Variants in PLCL1 observed in about 807,000 individuals in gnomAD.
PLCL1 encodes the protein phospholipase C like 1 (inactive), also known as inactive phospholipase C-like protein 1.
PLCL1 carries 41 observed loss-of-function variants against 84.4 expected under a neutral mutation model. The ratio of observed to expected loss-of-function variants is 0.49; its 90% CI spans 0.38 to 0.63. PLCL1 has a LOEUF of 0.63. Among genes scored for constraint, PLCL1 ranks in the 30% least tolerant of loss-of-function variants. The probability of loss-of-function intolerance (pLI) is 0.00; values close to 1 mark genes in which losing one functional copy is unlikely to be tolerated. For missense variants in PLCL1, 1,206 were observed against 1,367.8 expected (o/e 0.88, Z 1.87); for synonymous variants, 490 against 488.3 (o/e 1.00, Z -0.05).
At chr2:198,092,826 A>G (rs1693080449) in intron 3 of PLCL1, among the ~76,000 whole-genome samples, 1 of 152,226 alleles carries the variant, frequency 6.6e-6, no homozygotes, top group Non-Finnish European at 1.5e-5. Flanking sequence ...CCGTGAGGTT[A>G]GATCCTATCT....
At chr2:197,901,949 G>A (rs1046315380) in intron 1 of PLCL1, among the ~76,000 whole-genome samples, 1 of 152,098 alleles carries the variant, frequency 6.6e-6, no homozygotes, top group African/African-American at 2.4e-5. Context: ...AGTTTCCTAT[G>A]TTAAGCACTT....
Position 197,805,001 on chromosome 2 carries a change from G to C in PLCL1, c.-99G>C. 13 of 1,332,330 alleles carry C rather than the reference G, an allele frequency of 9.8e-6. No individual in the cohort carries two copies. The South Asian group carries it at 1.7e-4, about 18-fold the overall frequency. 82.5% of individuals were successfully genotyped at this position (1,332,330 alleles called of 1,614,324 possible). On this transcript the variant is annotated 5_prime_UTR_variant, in exon 1 of 6. Coordinates refer to ENST00000428675, the MANE Select transcript of PLCL1 (RefSeq NM_006226.4). The surrounding 1 kb of genome is among the most constrained non-coding windows in gnomAD (Gnocchi z 4.0). ...GCTGGGCGGTGAAACAAAGTCTGGC[G>C]GGGCCGCCTCCCGGTGCAGGAGCGC...
intron 1 of PLCL1, among the ~76,000 whole-genome samples, chr2:198,033,453 T>C (rs999397789): frequency 1.3e-5 from 2 of 152,154 alleles, no homozygotes; most frequent in African/African-American, 4.8e-5. Flanking sequence ...AAGACGGAGA[T>C]TGGGAGATAT....
intron 1 of PLCL1, among the ~76,000 whole-genome samples, chr2:197,884,836 T>C (rs1418340086): frequency 1.3e-5 from 2 of 152,174 alleles, no homozygotes; most frequent in African/African-American, 4.8e-5. Context: ...GCTTCTTGTG[T>C]TGCTTTCCAC....
At chr2:197,987,695 C>T (rs927968861) in intron 1 of PLCL1, among the ~76,000 whole-genome samples, 1 of 152,122 alleles carries the variant, frequency 6.6e-6, no homozygotes, top group Non-Finnish European at 1.5e-5. Flanking sequence ...TGAAGAATAA[C>T]AGAACAGCAA....
At chr2:198,010,268 T>C (rs1574243974) in intron 1 of PLCL1, among the ~76,000 whole-genome samples, 1 of 151,936 alleles carries the variant, frequency 6.6e-6, no homozygotes, top group East Asian at 1.9e-4. Flanking sequence ...AAGCTTTTAG[T>C]CTTTTCTCAT....
At chr2:197,855,710 C>G (rs528585193) in intron 1 of PLCL1, among the ~76,000 whole-genome samples, 1 of 152,146 alleles carries the variant, frequency 6.6e-6, no homozygotes, top group Non-Finnish European at 1.5e-5. Context: ...ATGTCCTTCA[C>G]TTGTTCCACA....
intron 1 of PLCL1, among the ~76,000 whole-genome samples, chr2:197,869,400 A>G (rs532650547): frequency 1.3e-5 from 2 of 152,170 alleles, no homozygotes; most frequent in South Asian, 2.1e-4. Context: ...AAATGGGGAT[A>G]TAAACAAAAA....
chr2:197,989,915 A>C (rs1322038355), intron 1 of PLCL1, among the ~76,000 whole-genome samples: 3 of 152,194 alleles, frequency 2.0e-5, no homozygotes, highest in Non-Finnish European at 4.4e-5. Context: ...TAGGATACAC[A>C]GAGACTAATA....
At chr2:198,005,835 T>C (rs1020619141) in intron 1 of PLCL1, among the ~76,000 whole-genome samples, 1 of 152,246 alleles carries the variant, frequency 6.6e-6, no homozygotes, top group Non-Finnish European at 1.5e-5. Context: ...GCAAGGGGAC[T>C]GAGGACTTCT....
chr2:197,914,665 A>ATAC (rs1452492193), intron 1 of PLCL1, among the ~76,000 whole-genome samples: 3 of 152,292 alleles, frequency 2.0e-5, no homozygotes, highest in African/African-American at 7.2e-5. Context: ...CATGAAAGAG[A>ATAC]TACTGTTAAA....
intron 1 of PLCL1, among the ~76,000 whole-genome samples, chr2:197,836,240 T>G (rs1000750783): frequency 7.2e-5 from 11 of 151,884 alleles, no homozygotes; most frequent in Non-Finnish European, 1.5e-4. Flanking sequence ...GGTCAGGAGA[T>G]CCAGACCATC....
intron 1 of PLCL1, among the ~76,000 whole-genome samples, chr2:198,009,542 A>G (rs1489767486): frequency 6.6e-6 from 1 of 151,836 alleles, no homozygotes; most frequent in Admixed American, 6.6e-5. Flanking sequence ...CCGTTGGTTT[A>G]TGTATCTTAC....
intron 1 of PLCL1, among the ~76,000 whole-genome samples, chr2:197,864,483 CTT>C (rs112456376): frequency 1.0e-3 from 143 of 139,178 alleles, no homozygotes; most frequent in Admixed American, 8.0e-4. Context: ...CAATAGCATT[CTT>C]TTTTTTTTTT....
chr2:197,835,883 A>G lies in PLCL1; in HGVS notation c.240+30544A>G, dbSNP rs375256577. Among the ~76,000 whole-genome samples the G allele has an allele frequency of 3.9e-5, 6 of 152,266 alleles. No homozygotes were observed. In the East Asian group the frequency reaches 1.2e-3, roughly 29 times the overall value. On this transcript the variant is annotated intron_variant, in intron 1 of 5. Coordinates refer to ENST00000428675, the MANE Select transcript of PLCL1 (RefSeq NM_006226.4). ...CGGACAATTTTTTAATGACTTCTGCAGGAGCCGGTGAGACTACTACAGTGT... is the reference window on the plus strand; with the variant it reads ...CGGACAATTTTTTAATGACTTCTGCGGGAGCCGGTGAGACTACTACAGTGT...
chr2:197,925,142 T>C lies in PLCL1; in HGVS notation c.240+119803T>C, dbSNP rs149430375. Among the ~76,000 whole-genome samples the C allele has an allele frequency of 3.5e-3, 527 of 152,298 alleles. 4 individuals are homozygous for C. The highest frequency in any genetic ancestry group is 0.012 in the African/African-American group (489 of 41,566). On this transcript the variant is annotated intron_variant, in intron 1 of 5. Transcript: ENST00000428675. Reference sequence around the variant, plus strand: ...TATGAATGTGCCGGCTAGGAAATTATCAACACCACATGCTGTTTCCCACAC... The same window carrying C: ...TATGAATGTGCCGGCTAGGAAATTACCAACACCACATGCTGTTTCCCACAC...
At chr2:197,931,783 G>T (rs758820584) in intron 1 of PLCL1, among the ~76,000 whole-genome samples, 39 of 149,268 alleles carry the variant, frequency 2.6e-4, no homozygotes, top group South Asian at 4.2e-4. Context: ...AATTCAGTGG[G>T]AAGCATAAAG....
intron 1 of PLCL1, among the ~76,000 whole-genome samples, chr2:197,824,797 ACT>A (rs1690894393): frequency 2.0e-5 from 3 of 151,658 alleles, no homozygotes; most frequent in Non-Finnish European, 4.4e-5. Flanking sequence ...TTCTTGTTAG[ACT>A]GTAAATTCCT....
At chr2:197,845,800 G>A (rs1687111410) in intron 1 of PLCL1, among the ~76,000 whole-genome samples, 1 of 152,084 alleles carries the variant, frequency 6.6e-6, no homozygotes, top group African/African-American at 2.4e-5. Context: ...AATTAGATGA[G>A]AATGTTGAGT....
Sources: allele counts gnomAD v4.1 joint callset (sites outside exome capture counted in the v4.1 genomes callset), GRCh38; gene constraint gnomAD v4.1.1; non-coding constraint Gnocchi (gnomAD v3.1); transcripts MANE v1.5; gene names NCBI Gene and HGNC (gene_info 2026-07-23, HGNC 2026-07-21).